Variants in CNTNAP2 observed in about 807,000 individuals in gnomAD.
CNTNAP2 encodes contactin-associated protein-like 2.
In CNTNAP2, 98 loss-of-function variants were observed where a neutral mutation model predicts 155.2. That is an observed-to-expected ratio of 0.63 (90% CI 0.54 to 0.75). The LOEUF is 0.75. Ranked by LOEUF, CNTNAP2 falls within the 30% of genes least tolerant of loss-of-function variation. CNTNAP2 has a pLI of 0.00. For missense variants in CNTNAP2, 1,727 were observed against 1,688.1 expected, an observed-to-expected ratio of 1.02 and a Z score of -0.40; for synonymous variants, 651 against 631.2, an observed-to-expected ratio of 1.03 and a Z score of -0.47.
intron 1 of CNTNAP2, among the ~76,000 whole-genome samples, chr7:146,171,013 C>T (rs559837076): frequency 3.6e-4 from 54 of 151,796 alleles, no homozygotes; most frequent in Admixed American, 3.2e-3. Context: ...GGCAACAGAG[C>T]GAGACTCCGT....
At position 146,828,302 on chromosome 7, in the gene CNTNAP2, G is replaced by C. The variant is rs866083038; in HGVS notation, c.209-11409G>C. 1.7e-4 allele frequency among the ~76,000 whole-genome samples: 26 copies of C among 152,090 alleles called. 1 individual carries two copies. Among genetic ancestry groups the C allele is most frequent in the Admixed American group, 7.2e-4 (11 of 15,246 alleles). ...ATATGCCCCCTATATTAATAAAACA[G>C]ATGAAGCAAAACTGAAAATAAGCCA... On this transcript the variant is annotated intron_variant, in intron 2 of 23. Transcript: ENST00000361727.
intron 2 of CNTNAP2, among the ~76,000 whole-genome samples, chr7:146,798,895 T>C (rs1802818841): frequency 6.6e-6 from 1 of 152,162 alleles, no homozygotes; most frequent in Non-Finnish European, 1.5e-5. Flanking sequence ...CTAGCCATTT[T>C]CTCATATTTG....
At chr7:146,287,568 T>G (rs1463950695) in intron 1 of CNTNAP2, among the ~76,000 whole-genome samples, 2 of 152,164 alleles carry the variant, frequency 1.3e-5, no homozygotes, top group East Asian at 3.9e-4. Flanking sequence ...ACTGAATGCT[T>G]CAGGGAGAGA....
chr7:147,855,083 A>G (rs1799014020), intron 13 of CNTNAP2, among the ~76,000 whole-genome samples: 1 of 152,194 alleles, frequency 6.6e-6, no homozygotes, highest in South Asian at 2.1e-4. Context: ...TAACACGATT[A>G]CTAGAAAATG....
intron 3 of CNTNAP2, among the ~76,000 whole-genome samples, chr7:146,959,437 A>G (rs943886421): frequency 1.3e-5 from 2 of 152,012 alleles, no homozygotes; most frequent in African/African-American, 4.8e-5. Context: ...AAAAGAAAGA[A>G]GCCTGGGCAT....
chr7:147,603,932 T>G (rs971692720), intron 12 of CNTNAP2, among the ~76,000 whole-genome samples: 77 of 151,382 alleles, frequency 5.1e-4, no homozygotes, highest in Non-Finnish European at 9.3e-4. Flanking sequence ...TCTACAACTA[T>G]CTGATCTTTG....
At chr7:147,780,279 G>A (rs537657402) in intron 13 of CNTNAP2, among the ~76,000 whole-genome samples, 5 of 152,110 alleles carry the variant, frequency 3.3e-5, no homozygotes, top group African/African-American at 7.2e-5. Flanking sequence ...AAACATTCAC[G>A]AGGCATTCTA....
chr7:147,557,789 A>G (rs960707930), intron 11 of CNTNAP2, among the ~76,000 whole-genome samples: 3 of 152,236 alleles, frequency 2.0e-5, no homozygotes, highest in African/African-American at 4.8e-5. Flanking sequence ...TGAAGAAGGT[A>G]TTACTATTAG....
At chr7:146,926,181 A>T (rs2129221317) in intron 3 of CNTNAP2, among the ~76,000 whole-genome samples, 1 of 152,256 alleles carries the variant, frequency 6.6e-6, no homozygotes, top group East Asian at 1.9e-4. Context: ...TTAAATAACT[A>T]ACCATGAATT....
At chr7:147,329,891 T>G (rs1795526361) in intron 9 of CNTNAP2, among the ~76,000 whole-genome samples, 1 of 152,208 alleles carries the variant, frequency 6.6e-6, no homozygotes, top group South Asian at 2.1e-4. Context: ...AAGCCATTAC[T>G]ATGATTCCCT....
chr7:146,379,845 G>A (rs1157126508), intron 1 of CNTNAP2, among the ~76,000 whole-genome samples: 1 of 152,068 alleles, frequency 6.6e-6, no homozygotes, highest in African/African-American at 2.4e-5. Flanking sequence ...TGAGGAGTCA[G>A]CTTTGTAAAA....
intron 3 of CNTNAP2, among the ~76,000 whole-genome samples, chr7:146,851,923 C>G (rs1794886973): frequency 6.6e-6 from 1 of 151,816 alleles, no homozygotes; most frequent in Non-Finnish European, 1.5e-5. Flanking sequence ...TGAGCTCAAG[C>G]AGTCCTCCCA....
chr7:147,373,758 A>G (rs1336097234), intron 9 of CNTNAP2, among the ~76,000 whole-genome samples: 1 of 151,952 alleles, frequency 6.6e-6, no homozygotes, highest in Non-Finnish European at 1.5e-5. Flanking sequence ...TTAGTTTATT[A>G]TACTTGAGTT....
chr7:147,739,991 G>C lies in CNTNAP2; in HGVS notation c.2098+100685G>C, dbSNP rs114714510. On this transcript the variant is annotated intron_variant, in intron 13 of 23. Transcript: ENST00000361727. ...TTCACATAGTCTTACAGCTTTCTCT[G>C]CCCACAACTCCAGGTGTCTGTGTAG... Among the ~76,000 whole-genome samples, 495 of 152,206 alleles carry C rather than the reference G, an allele frequency of 3.3e-3. 6 individuals carry two copies. Among genetic ancestry groups the C allele is most frequent in the African/African-American group, 0.011 (466 of 41,524 alleles).
Position 148,149,238 on chromosome 7 carries a change from T to C in CNTNAP2, c.2773+1529T>C, listed in dbSNP as rs186228193. On this transcript the variant is annotated intron_variant, in intron 17 of 23. Coordinates refer to ENST00000361727, the MANE Select transcript of CNTNAP2 (RefSeq NM_014141.6). The stretch of plus-strand genomic sequence containing the variant: ...CTAACTGTGGCTGTGTGTAAGAATT[T>C]TGAAGACCTAGTAAGGTTGTAAAAT... Among the ~76,000 whole-genome samples the C allele has an allele frequency of 1.3e-3, 192 of 152,284 alleles. 1 individual carries two copies. Among genetic ancestry groups the C allele is most frequent in the African/African-American group, 4.2e-3 (176 of 41,554 alleles).
intron 1 of CNTNAP2, among the ~76,000 whole-genome samples, chr7:146,678,116 G>A (rs1240921431): frequency 3.9e-5 from 6 of 152,010 alleles, no homozygotes; most frequent in Non-Finnish European, 7.4e-5. Context: ...GGCTGGAGTA[G>A]GAGTACAGTG....
chr7:147,850,753 C>G (rs1798921181), intron 13 of CNTNAP2, among the ~76,000 whole-genome samples: 1 of 152,164 alleles, frequency 6.6e-6, no homozygotes, highest in African/African-American at 2.4e-5. Flanking sequence ...CTTCCTTACA[C>G]CTTATACAAA....
intron 3 of CNTNAP2, among the ~76,000 whole-genome samples, chr7:146,908,152 A>G (rs1796183370): frequency 6.6e-6 from 1 of 152,120 alleles, no homozygotes; most frequent in Non-Finnish European, 1.5e-5. Flanking sequence ...TTCATAAAGC[A>G]AGTCCTGAGT....
rs148285994 is a variant in CNTNAP2, at chr7:148,164,003, C to T, written c.2774-8239C>T. On this transcript the variant is annotated intron_variant, in intron 17 of 23. Coordinates refer to ENST00000361727, the MANE Select transcript of CNTNAP2 (RefSeq NM_014141.6). ...AGGCTGGAGTGCCGTGGCACAATCT[C>T]GGCTCACTGTAGCCTCTGCCTCCCA... Among the ~76,000 whole-genome samples the T allele has an allele frequency of 3.0e-3, 463 of 152,176 alleles. 9 individuals are homozygous for T. The highest frequency in any genetic ancestry group is 0.024 in the East Asian group (125 of 5,164).
Sources: allele counts gnomAD v4.1 joint callset (sites outside exome capture counted in the v4.1 genomes callset), GRCh38; gene constraint gnomAD v4.1.1; transcripts MANE v1.5; gene names NCBI Gene and HGNC (gene_info 2026-07-23, HGNC 2026-07-21).